Variants in PGPEP1L observed in about 807,000 individuals in gnomAD.
PGPEP1L encodes pyroglutamyl-peptidase I like, also known as pyroglutamyl-peptidase 1-like protein.
Under a neutral mutation model 6.0 loss-of-function variants are expected in PGPEP1L, and 7 were observed. The ratio of observed to expected loss-of-function variants is 1.17; its 90% CI spans 0.66 to 2.19. The LOEUF (loss-of-function observed/expected upper bound fraction) is 2.19. Among genes scored for constraint, PGPEP1L ranks in the 30% most tolerant of loss-of-function variants. The pLI is 0.00. For synonymous variants in PGPEP1L, 103 were observed against 83.9 expected (o/e 1.23, Z -1.24); for missense variants, 209 against 192.5 (o/e 1.09, Z -0.51).
chr15:98,998,452 G>A (rs2017917488), intron 2 of PGPEP1L, among the ~76,000 whole-genome samples: 1 of 152,198 alleles, frequency 6.6e-6, no homozygotes, highest in Non-Finnish European at 1.5e-5. Flanking sequence ...TGTGTGCACA[G>A]ATGTCTGAAT....
At chr15:98,987,866 C>CTGGG (rs1555471677) in intron 2 of PGPEP1L, among the ~76,000 whole-genome samples, 1 of 152,060 alleles carries the variant, frequency 6.6e-6, no homozygotes, top group Non-Finnish European at 1.5e-5. Context: ...GCTGTCCCAC[C>CTGGG]TGGGAGGCAC....
At chr15:98,993,460 A>C (rs571105756) in intron 2 of PGPEP1L, among the ~76,000 whole-genome samples, 60 of 152,360 alleles carry the variant, frequency 3.9e-4, no homozygotes, top group African/African-American at 1.4e-3. Context: ...GATGCTGGAG[A>C]GGATTTGGAG....
At chr15:98,984,505 A>AT (rs2017718566) in intron 2 of PGPEP1L, among the ~76,000 whole-genome samples, 1 of 152,144 alleles carries the variant, frequency 6.6e-6, no homozygotes, top group Non-Finnish European at 1.5e-5. Context: ...GTATTGACTC[A>AT]AGATGCCATG....
chr15:98,971,928 T>C (rs1429193974), intron 2 of PGPEP1L, among the ~76,000 whole-genome samples: 4 of 152,260 alleles, frequency 2.6e-5, no homozygotes, highest in Non-Finnish European at 4.4e-5. Context: ...AATTGTAGTT[T>C]GTTTTTGATA....
intron 2 of PGPEP1L, among the ~76,000 whole-genome samples, chr15:99,002,585 G>A (rs1163588326): frequency 3.9e-5 from 6 of 152,176 alleles, no homozygotes; most frequent in Admixed American, 2.6e-4. Context: ...TCAATATCAG[G>A]AGAGGCTGGG....
In PGPEP1L at chr15:98,993,315, C is replaced by T. The variant is rs552533574; in HGVS notation, c.-142+12114G>A. Among the ~76,000 whole-genome samples the T allele has an allele frequency of 5.3e-5, 8 of 152,222 alleles. No individual in the cohort carries two copies. In the East Asian group the frequency reaches 5.8e-4, roughly 11 times the overall value. ...ATATGAACAGACACTTCTCAAAAGA[C>T]GACATTTATGTGGCCAAGAAACATA... is the stretch of plus-strand genomic sequence containing the variant. On this transcript the variant is annotated intron_variant, in intron 2 of 4. Transcript: ENST00000535714.
At position 98,983,308 on chromosome 15, in the gene PGPEP1L, TATTC is replaced by T. The variant is rs1232452169; in HGVS notation, c.-141-12154_-141-12151del. Among the ~76,000 whole-genome samples the T allele has an allele frequency of 2.6e-5, 4 of 152,230 alleles. No homozygotes were observed. In the East Asian group the frequency reaches 5.8e-4, roughly 22 times the overall value. On this transcript the variant is annotated intron_variant, in intron 2 of 4. Coordinates refer to ENST00000535714, the MANE Select transcript of PGPEP1L (RefSeq NM_001167902.2). ...TTGACTGTTCTGATTCACGGCTCTT[TATTC>T]ATTATTATTATTATTATTTAAAGCA...
At chr15:98,971,179 AC>A in intron 2 of PGPEP1L, 21 bp from the exon 3 acceptor site, 1 of 1,027,520 alleles carries the variant, frequency 9.7e-7, no homozygotes. Context: ...CGGCAGGTGG[AC>A]TTGCCTCAGT....
At chr15:98,976,260 T>C (rs550468669) in intron 2 of PGPEP1L, among the ~76,000 whole-genome samples, 16 of 152,364 alleles carry the variant, frequency 1.1e-4, no homozygotes, top group African/African-American at 3.8e-4. Flanking sequence ...ACCATAATTT[T>C]AAGAAAATTA....
chr15:98,994,525 C>T (rs887787405), intron 2 of PGPEP1L, among the ~76,000 whole-genome samples: 8 of 151,876 alleles, frequency 5.3e-5, no homozygotes, highest in Admixed American at 3.3e-4. Context: ...CATGGTGGCA[C>T]GTGCCTGTAG....
chr15:98,980,440 A>T (rs932669772), intron 2 of PGPEP1L, among the ~76,000 whole-genome samples: 1 of 84,698 alleles, frequency 1.2e-5, no homozygotes, highest in Non-Finnish European at 2.5e-5. Context: ...ATCCTGATCT[A>T]ATGAAATGAC....
At chr15:99,000,499 T>C (rs1472013841) in intron 2 of PGPEP1L, among the ~76,000 whole-genome samples, 3 of 152,212 alleles carry the variant, frequency 2.0e-5, no homozygotes, top group Non-Finnish European at 4.4e-5. Flanking sequence ...CCTTTATTTC[T>C]AGCTAAGGGA....
intron 2 of PGPEP1L, among the ~76,000 whole-genome samples, chr15:99,003,666 C>T (rs1412179623): frequency 6.6e-6 from 1 of 150,634 alleles, no homozygotes; most frequent in African/African-American, 2.5e-5. Context: ...CAGCTCTAAG[C>T]ATTTCTAACA....
At chr15:98,968,866 G>C (rs2017445576) in intron 4 of PGPEP1L, among the ~76,000 whole-genome samples, 169 bp from the exon 5 acceptor site, 1 of 152,232 alleles carries the variant, frequency 6.6e-6, no homozygotes, top group Non-Finnish European at 1.5e-5. Context: ...AGGATGAGCT[G>C]GGGAGAGCTG....
intron 2 of PGPEP1L, among the ~76,000 whole-genome samples, chr15:98,987,521 T>C (rs1555471645): frequency 6.6e-6 from 1 of 152,088 alleles, no homozygotes; most frequent in East Asian, 1.9e-4. Flanking sequence ...TCCAGCGGCA[T>C]GGGGACAACT....
chr15:99,004,649 C>G (rs1339375550), intron 2 of PGPEP1L, among the ~76,000 whole-genome samples: 5 of 152,026 alleles, frequency 3.3e-5, no homozygotes, highest in Non-Finnish European at 7.4e-5. Context: ...ACCCAGGAGG[C>G]GGAGGCTGCA....
intron 2 of PGPEP1L, among the ~76,000 whole-genome samples, chr15:98,994,422 G>A (rs1401590041): frequency 6.6e-6 from 1 of 152,112 alleles, no homozygotes. Flanking sequence ...GGGAGGCTGA[G>A]GTGGGTGGAT....
chr15:98,985,683 G>A (rs2017737414), intron 2 of PGPEP1L, among the ~76,000 whole-genome samples: 1 of 152,242 alleles, frequency 6.6e-6, no homozygotes, highest in Admixed American at 6.5e-5. Context: ...AACTGAGGTT[G>A]GAATTCAGGC....
intron 1 of PGPEP1L, 101 bp from the exon 2 acceptor site, chr15:99,005,757 G>A (rs1418139089): frequency 6.6e-6 from 1 of 152,600 alleles, no homozygotes; most frequent in East Asian, 1.9e-4. Context: ...ATTTGAGTCT[G>A]GGTCACTTTG....
Sources: gnomAD v4.1 joint callset for allele counts (sites outside exome capture counted in the v4.1 genomes callset) on GRCh38, gnomAD v4.1.1 for gene constraint, MANE v1.5 for transcripts, NCBI Gene and HGNC (gene_info 2026-07-23, HGNC 2026-07-21) for gene names.